PDE10A: variants seen among roughly 807,000 people sequenced by gnomAD.
The protein encoded by PDE10A is cAMP and cAMP-inhibited cGMP 3',5'-cyclic phosphodiesterase 10A.
Under a neutral mutation model 97.7 loss-of-function variants are expected in PDE10A, and 39 were observed. The observed-to-expected ratio is 0.40, with a 90% CI of 0.31 to 0.52. PDE10A has a LOEUF of 0.52. Ranked by LOEUF, PDE10A falls within the 20% of genes least tolerant of loss-of-function variation. PDE10A has a pLI of 0.56. For missense variants in PDE10A, 731 were observed against 1,047.8 expected, an observed-to-expected ratio of 0.70 and a Z score of 4.17; for synonymous variants, 371 against 376.8, an observed-to-expected ratio of 0.98 and a Z score of 0.18.
intron 1 of PDE10A, among the ~76,000 whole-genome samples, chr6:165,712,511 G>C (rs1476774350): frequency 6.6e-6 from 1 of 152,014 alleles, no homozygotes; most frequent in Non-Finnish European, 1.5e-5. Flanking sequence ...CTTGTTGGTT[G>C]TGAAACACCA....
At chr6:165,920,864 G>A (rs1003016942) in intron 1 of PDE10A, among the ~76,000 whole-genome samples, 2 of 152,136 alleles carry the variant, frequency 1.3e-5, no homozygotes, top group Non-Finnish European at 2.9e-5. Context: ...CTGAACCACA[G>A]TAGATAATAA....
intron 1 of PDE10A, among the ~76,000 whole-genome samples, chr6:165,600,441 T>A (rs999057642): frequency 4.6e-5 from 7 of 152,264 alleles, no homozygotes. Context: ...TGCTTCTTTC[T>A]GTTCAAGAAA....
rs939429069 is a variant in PDE10A, at chr6:165,519,486, G to A, written c.994+23954C>T. On this transcript the variant is annotated intron_variant, in intron 2 of 21. Coordinates refer to ENST00000539869, the MANE Select transcript of PDE10A (RefSeq NM_001385079.1). ...AGAGGAAAAAAAAAAAACCACATCAGAAGAAAAATGAGAAGGCTGAGCAGA... is the reference window on the plus strand; with the variant it reads ...AGAGGAAAAAAAAAAAACCACATCAAAAGAAAAATGAGAAGGCTGAGCAGA... Among the ~76,000 whole-genome samples, 3 of 151,330 alleles carry A rather than the reference G, an allele frequency of 2.0e-5. No individual in the cohort carries two copies. In the East Asian group the frequency reaches 5.8e-4, roughly 29 times the overall value.
At chr6:165,800,679 G>A (rs1216210030) in intron 1 of PDE10A, among the ~76,000 whole-genome samples, 2 of 152,198 alleles carry the variant, frequency 1.3e-5, no homozygotes, top group African/African-American at 4.8e-5. Context: ...ATAATTCAGC[G>A]AAGTGAAGCA....
chr6:165,583,246 CCTGAG>C, intron 1 of PDE10A, among the ~76,000 whole-genome samples: 1 of 152,252 alleles, frequency 6.6e-6, no homozygotes, highest in East Asian at 1.9e-4. Flanking sequence ...CAAATGTGTA[CCTGAG>C]CTATGTTTCA....
chr6:165,395,511 T>C (rs1786095069), intron 14 of PDE10A, among the ~76,000 whole-genome samples: 1 of 152,192 alleles, frequency 6.6e-6, no homozygotes, highest in Admixed American at 6.5e-5. Flanking sequence ...TTGAAAATGA[T>C]GCTTCATTTG....
intron 18 of PDE10A, among the ~76,000 whole-genome samples, chr6:165,357,152 T>G (rs989848616): frequency 1.3e-5 from 2 of 152,220 alleles, no homozygotes; most frequent in African/African-American, 4.8e-5. Context: ...ATATGATGTC[T>G]CTTCTTCATT....
At chr6:165,777,908 T>C (rs1778234256) in intron 1 of PDE10A, among the ~76,000 whole-genome samples, 1 of 152,070 alleles carries the variant, frequency 6.6e-6, no homozygotes, top group Admixed American at 6.5e-5. Flanking sequence ...CCTCCATCAC[T>C]GAAATTTTGG....
intron 1 of PDE10A, among the ~76,000 whole-genome samples, chr6:165,683,443 C>T (rs1018019259): frequency 6.6e-6 from 1 of 152,152 alleles, no homozygotes; most frequent in Non-Finnish European, 1.5e-5. Flanking sequence ...CGCGCTCACA[C>T]ACGACTAAGA....
chr6:165,905,464 T>C (rs976049042), intron 1 of PDE10A, among the ~76,000 whole-genome samples: 1 of 152,174 alleles, frequency 6.6e-6, no homozygotes, highest in Non-Finnish European at 1.5e-5. Context: ...TGTCCATATC[T>C]ATTAATTTCA....
intron 1 of PDE10A, among the ~76,000 whole-genome samples, chr6:165,849,556 G>A (rs1780515878): frequency 6.6e-6 from 1 of 152,190 alleles, no homozygotes; most frequent in Non-Finnish European, 1.5e-5. Context: ...TTCCAATTTT[G>A]AGAAAAACGC....
chr6:165,824,281 A>G (rs1294540975), intron 1 of PDE10A, among the ~76,000 whole-genome samples: 1 of 152,214 alleles, frequency 6.6e-6, no homozygotes, highest in Admixed American at 6.5e-5. Context: ...AAAAATTATC[A>G]CATTTAAATT....
rs542722839 is a variant in PDE10A, at chr6:165,982,462, C to T, written c.-615+5067G>A. 7.9e-5 allele frequency among the ~76,000 whole-genome samples: 12 copies of T among 152,180 alleles called. No homozygotes were observed. In the East Asian group the frequency reaches 2.3e-3, roughly 29 times the overall value. On this transcript the variant is annotated intron_variant, in intron 1 of 19. Coordinates refer to the PDE10A transcript ENST00000366882. The stretch of plus-strand genomic sequence containing the variant: ...AGACATGGAGGTTAAAACTAGAAGA[C>T]AAAGCAAGATAGTCCAATTAGGGTG...
At chr6:165,985,433 G>A (rs1308911518) in intron 1 of PDE10A, among the ~76,000 whole-genome samples, 1 of 152,094 alleles carries the variant, frequency 6.6e-6, no homozygotes, top group East Asian at 1.9e-4. Context: ...TGTTATTCTA[G>A]GCAAAGAAGT....
intron 2 of PDE10A, among the ~76,000 whole-genome samples, chr6:165,483,138 A>T (rs1450677813): frequency 6.6e-6 from 1 of 152,228 alleles, no homozygotes; most frequent in East Asian, 1.9e-4. Context: ...ACTGGAGCTC[A>T]GCCTGGCATC....
At chr6:165,879,791 T>G (rs1456728615) in intron 1 of PDE10A, among the ~76,000 whole-genome samples, 1 of 152,240 alleles carries the variant, frequency 6.6e-6, no homozygotes, top group Non-Finnish European at 1.5e-5. Flanking sequence ...TTTGTCACAG[T>G]TTTTAAAAAT....
chr6:165,451,083 G>GC (rs1284046812), intron 3 of PDE10A, among the ~76,000 whole-genome samples: 1 of 152,140 alleles, frequency 6.6e-6, no homozygotes, highest in Non-Finnish European at 1.5e-5. Flanking sequence ...TGCCCTCTGT[G>GC]CCACTCTAAC....
At chr6:165,937,600 G>C (rs76869844) in intron 1 of PDE10A, among the ~76,000 whole-genome samples, 6,635 of 152,240 alleles carry the variant, frequency 0.044, 200 homozygotes, top group Non-Finnish European at 0.061. Flanking sequence ...ATAGGCTAGA[G>C]AGTACTTGGC....
intron 1 of PDE10A, among the ~76,000 whole-genome samples, chr6:165,814,714 G>T (rs1019340039): frequency 1.1e-4 from 16 of 152,156 alleles, no homozygotes; most frequent in African/African-American, 2.4e-5. Flanking sequence ...GGAAGAAACA[G>T]AGAAGAGCCA....
Sources: gnomAD v4.1 joint callset for allele counts (sites outside exome capture counted in the v4.1 genomes callset) on GRCh38, gnomAD v4.1.1 for gene constraint, MANE v1.5 for transcripts, NCBI Gene and HGNC (gene_info 2026-07-23, HGNC 2026-07-21) for gene names.